The following DNPH1 variants were observed in gnomAD, a reference collection of about 807,000 sequenced individuals.
The protein encoded by DNPH1 is 5-hydroxymethyl-dUMP N-hydrolase.
Under a neutral mutation model 15.7 loss-of-function variants are expected in DNPH1, and 18 were observed. The ratio of observed to expected loss-of-function variants is 1.15; its 90% confidence interval spans 0.79 to 1.70. The LOEUF (loss-of-function observed/expected upper bound fraction) is 1.70. DNPH1 is among the 40% of genes most tolerant of loss of function. DNPH1 has a pLI of 0.00. For synonymous variants in DNPH1, 114 were observed against 107.9 expected (o/e 1.06, Z -0.35); for missense variants, 262 against 255.2 (o/e 1.03, Z -0.18).
At position 43,226,114 on chromosome 6, in the gene DNPH1, A is replaced by G. The variant is rs139182907; in HGVS notation, c.295T>C (p.Leu99=). 36 of 1,613,448 alleles carry G rather than the reference A, an allele frequency of 2.2e-5. No homozygotes were observed. The highest frequency in any genetic ancestry group is 2.7e-5 in the Non-Finnish European group (32 of 1,180,010). The change falls in exon 3 of 4, where the codon TTG becomes CTG. Residue 99 remains leucine (L), a synonymous_variant. Coordinates refer to ENST00000230431, the MANE Select transcript of DNPH1 (RefSeq NM_006443.3). This position sits in a 1 kb window ranked among gnomAD's most constrained non-coding sequence, Gnocchi z 4.1. ...CGGCCCAGCTCATAGCCTACACCCA[A>G]GGATGGCTGTGTCACTTCTGCCACG... is the stretch of plus-strand genomic sequence containing the variant. ...VVVAEVTQPS[L]GVGYELGRAV...
In DNPH1 at chr6:43,225,739, G is replaced by C. The variant is rs1776716546; in HGVS notation, c.519C>G (p.Thr173=). 1.9e-6 allele frequency: 3 copies of C among 1,614,112 alleles called. No individual in the cohort carries two copies. The African/African-American group carries it at 4.0e-5, about 22-fold the overall frequency. Residue 173 remains threonine (T), a synonymous_variant, in exon 4 of 4, where the codon ACC becomes ACG. Transcript: ENST00000230431. ...TTAAGAAAGTGAGATTAAGTCAAGT[G>C]GTTGGGTCAGGGGAGGCAGCCACCT... The part of the protein sequence containing the change: ...PGQVAASPDP[T]T
Position 43,226,177 on chromosome 6 carries a change from G to A in DNPH1, c.266-34C>T, listed in dbSNP as rs1365842514. 1 of 1,610,934 alleles carries A rather than the reference G, an allele frequency of 6.2e-7. No individual in the cohort carries two copies. The highest frequency in any genetic ancestry group is 1.1e-5 in the South Asian group (1 of 90,912). On this transcript the variant is annotated intron_variant, in intron 2 of 3. Coordinates refer to ENST00000230431, the MANE Select transcript of DNPH1 (RefSeq NM_006443.3). This position sits in a 1 kb window ranked among gnomAD's most constrained non-coding sequence, Gnocchi z 4.1. ...AAAGATGAGAGGAAGCCTCAGCATT[G>A]GGGGCACTTGAGGTTCATAAGGAAG...
Position 43,226,712 on chromosome 6 carries a change from G to A in DNPH1, c.197-317C>T, listed in dbSNP as rs778957289. The A allele has an allele frequency of 7.7e-6, 3 of 392,088 alleles. No homozygotes were observed. The highest frequency in any genetic ancestry group is 1.4e-5 in the Non-Finnish European group (3 of 218,164). 24.3% of individuals were successfully genotyped at this position (392,088 alleles called of 1,614,324 possible). On this transcript the variant is annotated intron_variant, in intron 1 of 3. Transcript: ENST00000230431. The surrounding 1 kb of genome is among the most constrained non-coding windows in gnomAD (Gnocchi z 4.1). ...TAGGAGAGGCATCCTAGGCCCAGAAGGTAGGGATCTCGGGTCTTAGCTTGA... is the reference window on the plus strand; with the variant it reads ...TAGGAGAGGCATCCTAGGCCCAGAAAGTAGGGATCTCGGGTCTTAGCTTGA...
chr6:43,228,433 CAGAG>C (rs1441985206), intron 1 of DNPH1, among the ~76,000 whole-genome samples: 4 of 152,114 alleles, frequency 2.6e-5, no homozygotes, highest in South Asian at 2.1e-4. Flanking sequence ...GCCTGGGCGA[CAGAG>C]AGGCCCTTGT....
At position 43,226,431 on chromosome 6, in the gene DNPH1, A is replaced by G. The variant is rs1167369582; in HGVS notation, c.197-36T>C. 4 of 1,592,174 alleles carry G rather than the reference A, an allele frequency of 2.5e-6. No homozygotes were observed. Among genetic ancestry groups the G allele is most frequent in the East Asian group, 2.3e-5 (1 of 44,274 alleles). ...GGAAAGCTGGTCAAGGACATGCCTC[A>G]TGCTGGCTCCCAGTAACTCCTATGC... On this transcript the variant is annotated intron_variant, in intron 1 of 3. Coordinates refer to ENST00000230431, the MANE Select transcript of DNPH1 (RefSeq NM_006443.3). The surrounding 1 kb of genome is among the most constrained non-coding windows in gnomAD (Gnocchi z 4.1).
rs373245097 is a variant in DNPH1, at chr6:43,225,791, C to T, written c.467G>A (p.Arg156Gln). ...EEGEVEALLD[R>Q]YFEADPPGQV... The stretch of plus-strand genomic sequence containing the variant: ...CCCTGGAGGATCAGCCTCGAAGTAT[C>T]GATCCAGCAGGGCCTCCACCTCTCC... Residue 156 changes from arginine (R) to glutamine (Q), a missense_variant, in exon 4 of 4, where the codon CGA becomes CAA. Physicochemically the swap from Arg to Gln is conservative, Grantham distance 43. Coordinates refer to ENST00000230431, the MANE Select transcript of DNPH1 (RefSeq NM_006443.3). The T allele has an allele frequency of 1.1e-5, 18 of 1,614,084 alleles. 1 individual carries two copies. The Middle Eastern group carries it at 4.9e-4, about 44-fold the overall frequency.
At chr6:43,229,211 C>G (rs1489372359) in intron 1 of DNPH1, 50 bp downstream of exon 1, 21 of 1,288,866 alleles carry the variant, frequency 1.6e-5, no homozygotes, top group Non-Finnish European at 2.1e-5. Context: ...CCTGCCACCC[C>G]AGCCAGGTCC....
chr6:43,228,448 A>G (rs1329615246), intron 1 of DNPH1, among the ~76,000 whole-genome samples: 1 of 145,700 alleles, frequency 6.9e-6, no homozygotes, highest in Non-Finnish European at 1.5e-5. Context: ...AGGCCCTTGT[A>G]TCAACAAAAC....
chr6:43,229,078 G>C, intron 1 of DNPH1, 183 bp downstream of exon 1: 1 of 595,276 alleles, frequency 1.7e-6, no homozygotes, highest in Non-Finnish European at 2.9e-6. Context: ...GACCCACGCA[G>C]CCCGAGCCCC....
chr6:43,229,399 G>C lies in DNPH1; in HGVS notation c.58C>G (p.Arg20Gly). 1.4e-6 allele frequency: 2 copies of C among 1,438,982 alleles called. No individual in the cohort carries two copies. The highest frequency in any genetic ancestry group is 1.8e-6 in the Non-Finnish European group (2 of 1,092,690). The allele number at this position is 1,438,982 out of a possible 1,614,324, so 89.1% of individuals were successfully genotyped here. A position where few individuals can be genotyped will look rare whatever the true frequency, so the allele number is the denominator to read the frequency against. The change falls in exon 1 of 4, where the codon CGC becomes GGC. Residue 20 changes from arginine to glycine, a missense_variant. Transcript: ENST00000230431. ...CTCCCGCAGAAGTACAGGGCCGGGC[G>C]GCCAGGCTCCCCGCGCTCCCAGCTC... is the stretch of plus-strand genomic sequence containing the variant. Reference protein sequence around the residue: ...SESWERGEPGRPALYFCGSIR... With the variant: ...SESWERGEPGGPALYFCGSIR...
Position 43,226,475 on chromosome 6 carries a change from A to C in DNPH1, c.197-80T>G, listed in dbSNP as rs41274938. On this transcript the variant is annotated intron_variant, in intron 1 of 3. Transcript: ENST00000230431. The surrounding 1 kb of genome is among the most constrained non-coding windows in gnomAD (Gnocchi z 4.1). ...CCTATGCCCTTGTATGTCCATACCC[A>C]CCCTGCTCAGGGAGGGTGGGAGCCT... The C allele has an allele frequency of 7.2e-3, 9,492 of 1,316,438 alleles. 63 individuals carry two copies. The highest frequency in any genetic ancestry group is 0.019 in the South Asian group (1,334 of 70,982). The allele number at this position is 1,316,438 out of a possible 1,614,324, so 81.5% of individuals were successfully genotyped here.
chr6:43,227,131 T>C (rs1188795375), intron 1 of DNPH1, among the ~76,000 whole-genome samples: 1 of 136,624 alleles, frequency 7.3e-6, no homozygotes, highest in African/African-American at 2.8e-5. Flanking sequence ...AAAGTACAGA[T>C]TCGGGCCAGG....
rs919906095 is a variant in DNPH1, at chr6:43,226,798, G to A, written c.197-403C>T. ...CACCGCATCAGGGTAGGACCACTGG[G>A]GAGCTTGTTAGAAGTACAGATTCCA... On this transcript the variant is annotated intron_variant, in intron 1 of 3. Transcript: ENST00000230431. This position sits in a 1 kb window ranked among gnomAD's most constrained non-coding sequence, Gnocchi z 4.1. Among the ~76,000 whole-genome samples, 2 of 152,198 alleles carry A rather than the reference G, an allele frequency of 1.3e-5. No individual in the cohort carries two copies. The highest frequency in any genetic ancestry group is 4.8e-5 in the African/African-American group (2 of 41,448).
At position 43,229,393 on chromosome 6, in the gene DNPH1, C is replaced by G; in HGVS notation, c.64G>C (p.Ala22Pro). The G allele has an allele frequency of 6.9e-7, 1 of 1,454,038 alleles. No homozygotes were observed. Among genetic ancestry groups the G allele is most frequent in the Non-Finnish European group, 9.1e-7 (1 of 1,101,680 alleles). 90.1% of individuals were successfully genotyped at this position (1,454,038 alleles called of 1,614,324 possible). The part of the protein sequence containing the change: ...SWERGEPGRP[A>P]LYFCGSIRGG... ...CGAATGCTCCCGCAGAAGTACAGGGCCGGGCGGCCAGGCTCCCCGCGCTCC... is the reference window on the plus strand; with the variant it reads ...CGAATGCTCCCGCAGAAGTACAGGGGCGGGCGGCCAGGCTCCCCGCGCTCC... The change falls in exon 1 of 4, where the codon GCC (alanine) becomes CCC (proline). Residue 22 changes from alanine (A) to proline (P), a missense_variant. Physicochemically the swap from Ala to Pro is conservative, Grantham distance 27. Coordinates refer to ENST00000230431, the MANE Select transcript of DNPH1 (RefSeq NM_006443.3).
Position 43,225,647 on chromosome 6 carries a change from CT to C in DNPH1, c.*85del. 1 of 1,533,652 alleles carries C rather than the reference CT, an allele frequency of 6.5e-7. No individual in the cohort carries two copies. On this transcript the variant is annotated 3_prime_UTR_variant, in exon 4 of 4. Coordinates refer to ENST00000230431, the MANE Select transcript of DNPH1 (RefSeq NM_006443.3). Reference sequence around the variant, plus strand: ...CAGAAAGTTAGGATTTTAACTGTACCTTTTAATTTGCTCCTGGGGCTAAGAG... The same window carrying C: ...CAGAAAGTTAGGATTTTAACTGTACCTTTAATTTGCTCCTGGGGCTAAGAG...
At chr6:43,227,817 C>G (rs1437591556) in intron 1 of DNPH1, among the ~76,000 whole-genome samples, 8 of 152,088 alleles carry the variant, frequency 5.3e-5, no homozygotes, top group Non-Finnish European at 1.0e-4. Context: ...CAGCCAGACT[C>G]AGCGGCTCAT....
At chr6:43,228,057 C>T (rs112617927) in intron 1 of DNPH1, among the ~76,000 whole-genome samples, 8,389 of 152,184 alleles carry the variant, frequency 0.055, 567 homozygotes, top group East Asian at 0.38. Flanking sequence ...TGCCACTGCA[C>T]TCCAGCATGG....
chr6:43,226,250 G>C lies in DNPH1; in HGVS notation c.265+77C>G. On this transcript the variant is annotated intron_variant, in intron 2 of 3. Coordinates refer to ENST00000230431, the MANE Select transcript of DNPH1 (RefSeq NM_006443.3). This position sits in a 1 kb window ranked among gnomAD's most constrained non-coding sequence, Gnocchi z 4.1. ...GAGGGAACTCTGGGAGTCCCTTCTA[G>C]GTGTGGAGGCTGGGATGTCCAGGGG... The C allele has an allele frequency of 6.2e-7, 1 of 1,600,346 alleles. No individual in the cohort carries two copies. The highest frequency in any genetic ancestry group is 8.5e-7 in the Non-Finnish European group (1 of 1,173,778).
intron 1 of DNPH1, among the ~76,000 whole-genome samples, chr6:43,228,782 C>T (rs1399281202): frequency 1.3e-5 from 2 of 151,926 alleles, no homozygotes; most frequent in African/African-American, 2.4e-5. Context: ...GCCGAGATCA[C>T]GCAACTGCAC....
Sources: gnomAD v4.1 joint callset for allele counts (sites outside exome capture counted in the v4.1 genomes callset) on GRCh38, gnomAD v4.1.1 for gene constraint, Gnocchi (gnomAD v3.1) non-coding constraint, MANE v1.5 for transcripts, NCBI Gene and HGNC (gene_info 2026-07-23, HGNC 2026-07-21) for gene names.